KCNU1: variants seen among roughly 807,000 people sequenced by gnomAD.
The protein encoded by KCNU1 is potassium calcium-activated channel subfamily U member 1.
Under a neutral mutation model 126.8 loss-of-function variants are expected in KCNU1, and 93 were observed. That is an observed-to-expected ratio of 0.73 (90% CI 0.62 to 0.87). KCNU1 has a LOEUF of 0.87. Among genes scored for constraint, KCNU1 ranks in the 40% least tolerant of loss-of-function variants. The pLI is 0.00. For missense variants in KCNU1, 1,330 were observed against 1,367.1 expected (o/e 0.97, Z 0.43); for synonymous variants, 523 against 494.2 (o/e 1.06, Z -0.77).
intron 10 of KCNU1, among the ~76,000 whole-genome samples, chr8:36,825,699 T>C (rs1804292984): frequency 6.6e-6 from 1 of 152,200 alleles, no homozygotes; most frequent in Non-Finnish European, 1.5e-5. Context: ...CCTAAAACTT[T>C]TAAATTTTCC....
At chr8:36,858,854 A>G (rs913640209) in intron 18 of KCNU1, among the ~76,000 whole-genome samples, 1 of 152,138 alleles carries the variant, frequency 6.6e-6, no homozygotes, top group East Asian at 1.9e-4. Context: ...TCAATTTTCA[A>G]TCTAGTTTCT....
chr8:36,798,751 T>A (rs1483422897), intron 2 of KCNU1, among the ~76,000 whole-genome samples: 1 of 152,166 alleles, frequency 6.6e-6, no homozygotes, highest in East Asian at 1.9e-4. Context: ...CTGCTTTGAG[T>A]CCTGCCTTTC....
chr8:36,909,359 T>C lies in KCNU1; in HGVS notation c.2155T>C (p.Cys719Arg). Reference protein sequence around the residue: ...KYKFRNHIVACVFGDAHSAPM... With the variant: ...KYKFRNHIVARVFGDAHSAPM... Reference sequence around the variant, plus strand: ...TAAGTTTCGGAACCATATTGTAGCATGTGTATTTGGAGATGCCCACTCAGC... The same window carrying C: ...TAAGTTTCGGAACCATATTGTAGCACGTGTATTTGGAGATGCCCACTCAGC... The change falls in exon 21 of 27, where the codon TGT becomes CGT. Residue 719 changes from cysteine to arginine, a missense_variant. Cys to Arg is a radical substitution (Grantham distance 180, BLOSUM62 -3). Around this residue, in one of 3 missense-constraint regions of KCNU1, gnomAD observed 1,054 missense variants for 1,053.9 expected, o/e 1.00. Transcript: ENST00000399881. 6.2e-7 allele frequency: 1 copy of C among 1,613,674 alleles called. No individual in the cohort carries two copies. Among genetic ancestry groups the C allele is most frequent in the East Asian group, 2.2e-5 (1 of 44,866 alleles).
chr8:36,808,649 A>G (rs1803595014), intron 6 of KCNU1, 69 bp from the exon 7 acceptor site: 1 of 925,596 alleles, frequency 1.1e-6, no homozygotes, highest in African/African-American at 1.6e-5. Context: ...GCAACATCTT[A>G]GAGGATGAGG....
intron 19 of KCNU1, among the ~76,000 whole-genome samples, chr8:36,875,453 TAC>T (rs963453475): frequency 4.7e-5 from 7 of 149,630 alleles, no homozygotes; most frequent in African/African-American, 1.2e-4. Flanking sequence ...GAGATATATA[TAC>T]ACACACACAC....
intron 1 of KCNU1, among the ~76,000 whole-genome samples, chr8:36,785,625 TA>T (rs1802685929): frequency 6.6e-6 from 1 of 152,216 alleles, no homozygotes; most frequent in Admixed American, 6.5e-5. Context: ...TTATGGATTT[TA>T]AGCTGTGGCA....
At chr8:36,817,383 C>A (rs1271328458) in intron 9 of KCNU1, among the ~76,000 whole-genome samples, 1 of 151,378 alleles carries the variant, frequency 6.6e-6, no homozygotes, top group Non-Finnish European at 1.5e-5. Flanking sequence ...CCTTTAATCC[C>A]AGCTACTTGG....
intron 2 of KCNU1, among the ~76,000 whole-genome samples, chr8:36,794,344 TG>T (rs758368136): frequency 3.3e-5 from 5 of 152,136 alleles, no homozygotes; most frequent in Non-Finnish European, 5.9e-5. Flanking sequence ...GAGATGTATA[TG>T]TTTCATTAGT....
At chr8:36,800,715 C>T (rs929712679) in intron 2 of KCNU1, among the ~76,000 whole-genome samples, 3 of 152,230 alleles carry the variant, frequency 2.0e-5, no homozygotes, top group African/African-American at 7.2e-5. Flanking sequence ...TCAGAATTAT[C>T]TTTCATTCCT....
At chr8:36,921,929 A>T (rs1442685951) in intron 23 of KCNU1, among the ~76,000 whole-genome samples, 1 of 152,026 alleles carries the variant, frequency 6.6e-6, no homozygotes, top group East Asian at 1.9e-4. Flanking sequence ...GGGCACGTAG[A>T]CTCTCAGCCC....
Position 36,836,830 on chromosome 8 carries a change from C to T in KCNU1, c.1403C>T (p.Thr468Ile). 1 of 1,613,780 alleles carries T rather than the reference C, an allele frequency of 6.2e-7. No homozygotes were observed. Among genetic ancestry groups the T allele is most frequent in the Non-Finnish European group, 8.5e-7 (1 of 1,179,762 alleles). ...AAGATTCCCAGCTGGAACTGGGACA[C>T]CGGAGACAACATCATCTGCTTTGCT... The part of the protein sequence containing the change: ...LPKIPSWNWD[T>I]GDNIICFAEL... The change falls in exon 14 of 27, where the codon ACC becomes ATC. Residue 468 changes from threonine (T) to isoleucine (I), a missense_variant. Physicochemically the swap from Thr to Ile is moderately conservative, Grantham distance 89 (BLOSUM62 -1). Coordinates refer to ENST00000399881, the MANE Select transcript of KCNU1 (RefSeq NM_001031836.3).
chr8:36,870,493 G>T (rs1466527510), intron 19 of KCNU1, among the ~76,000 whole-genome samples: 1 of 152,074 alleles, frequency 6.6e-6, no homozygotes, highest in Non-Finnish European at 1.5e-5. Flanking sequence ...TCAGGCAAGA[G>T]AATCCCCATC....
At chr8:36,920,137 C>A (rs1808285700) in intron 23 of KCNU1, among the ~76,000 whole-genome samples, 1 of 152,116 alleles carries the variant, frequency 6.6e-6, no homozygotes, top group Admixed American at 6.6e-5. Flanking sequence ...AACTCCTGAG[C>A]TGTACACAGT....
rs1803548986 is a variant in KCNU1 at position 36,807,507 on chromosome 8, G to A, written c.656+57G>A. Reference sequence around the variant, plus strand: ...TATTAGTTTGGATTAGAAAATGAATGTATTAACTGGACCCTAAACTCAATG... The same window carrying A: ...TATTAGTTTGGATTAGAAAATGAATATATTAACTGGACCCTAAACTCAATG... On this transcript the variant is annotated intron_variant, in intron 6 of 26. Transcript: ENST00000399881. The A allele has an allele frequency of 3.3e-6, 4 of 1,227,640 alleles. No individual in the cohort carries two copies. The East Asian group carries it at 7.0e-5, about 21-fold the overall frequency. The allele number at this position is 1,227,640 out of a possible 1,614,324, so 76.0% of individuals were successfully genotyped here. A position where few individuals can be genotyped will look rare whatever the true frequency, so the allele number is the denominator to read the frequency against.
At position 36,935,885 on chromosome 8, in the gene KCNU1, G is replaced by C; in HGVS notation, c.3415G>C (p.Asp1139His). The change falls in exon 27 of 27, where the codon GAT (aspartate) becomes CAT (histidine). Residue 1139 changes from aspartate (D) to histidine (H), a missense_variant. Transcript: ENST00000399881. Reference sequence around the variant, plus strand: ...AAGGAAAACTTCAGATGAGGTTTATGATGAGGATCCCTTTGCATATTCAGA... The same window carrying C: ...AAGGAAAACTTCAGATGAGGTTTATCATGAGGATCCCTTTGCATATTCAGA... The part of the protein sequence containing the change: ...NERKTSDEVY[D>H]EDPFAYSEPL The C allele has an allele frequency of 6.2e-7, 1 of 1,607,232 alleles. No individual in the cohort carries two copies. Among genetic ancestry groups the C allele is most frequent in the Non-Finnish European group, 8.5e-7 (1 of 1,176,640 alleles).
chr8:36,845,113 A>G (rs1383029114), intron 16 of KCNU1, among the ~76,000 whole-genome samples: 2 of 152,228 alleles, frequency 1.3e-5, no homozygotes, highest in Non-Finnish European at 2.9e-5. Flanking sequence ...AAAACTGCAT[A>G]GGTGAATAGA....
Position 36,933,003 on chromosome 8 carries a change from T to C in KCNU1, c.3015T>C (p.Asp1005=), listed in dbSNP as rs761223258. 16 of 1,564,772 alleles carry C rather than the reference T, an allele frequency of 1.0e-5. No homozygotes were observed. Among genetic ancestry groups the C allele is most frequent in the African/African-American group, 1.4e-5 (1 of 74,060 alleles). The change falls in exon 26 of 27, where the codon GAT becomes GAC. Residue 1005 remains aspartate (D), a synonymous_variant. Coordinates refer to ENST00000399881, the MANE Select transcript of KCNU1 (RefSeq NM_001031836.3). Reference sequence around the variant, plus strand: ...GTGTTGGCTTATACCGAATAATTGATGAAGAGGAGCTCAACCCAGAAAACA... The same window carrying C: ...GTGTTGGCTTATACCGAATAATTGACGAAGAGGAGCTCAACCCAGAAAACA... The part of the protein sequence containing the change: ...ILCVGLYRII[D]EEELNPENKR...
intron 19 of KCNU1, among the ~76,000 whole-genome samples, chr8:36,904,492 C>T (rs1239579954): frequency 6.6e-6 from 1 of 152,142 alleles, no homozygotes; most frequent in African/African-American, 2.4e-5. Context: ...CAGTTTTGCA[C>T]TTTGTTGGCT....
chr8:36,912,602 TTGTG>T (rs138894397), intron 22 of KCNU1, among the ~76,000 whole-genome samples: 3 of 148,910 alleles, frequency 2.0e-5, no homozygotes, highest in Admixed American at 6.7e-5. Context: ...CACTCATCAT[TTGTG>T]TGTGTGTGTG....
Sources: allele counts gnomAD v4.1 joint callset (sites outside exome capture counted in the v4.1 genomes callset), GRCh38; gene constraint gnomAD v4.1.1; regional missense constraint gnomAD v4.1.1; transcripts MANE v1.5; gene names NCBI Gene and HGNC (gene_info 2026-07-23, HGNC 2026-07-21).